Variants in TTC28 observed in about 807,000 individuals in gnomAD.
The protein encoded by TTC28 is tetratricopeptide repeat domain 28.
Under a neutral mutation model 198.0 loss-of-function variants are expected in TTC28, and 61 were observed. The observed-to-expected ratio is 0.31, with a 90% CI of 0.25 to 0.38. The LOEUF (loss-of-function observed/expected upper bound fraction) is 0.38, where lower values mean the gene tolerates loss of function less well. Among genes scored for constraint, TTC28 ranks in the 10% least tolerant of loss-of-function variants. The pLI, the probability that TTC28 is intolerant of heterozygous loss-of-function variation, is 1.00. For missense variants in TTC28, 2,678 were observed against 3,164.0 expected (o/e 0.85, Z 3.69); for synonymous variants, 1,171 against 1,297.8 (o/e 0.90, Z 2.10).
rs779531455 is a variant in TTC28, at chr22:28,294,563, C to CT, written c.933+1634dup. ...AAAAGAGTATAAATGCAGCTCTTGC[C>CT]TTTTTTTTTTTTCTTTCCCCCCCAA... is the stretch of plus-strand genomic sequence containing the variant. On this transcript the variant is annotated intron_variant, in intron 5 of 22. Coordinates refer to ENST00000397906, the MANE Select transcript of TTC28 (RefSeq NM_001145418.2). Among the ~76,000 whole-genome samples the CT allele has an allele frequency of 1.7e-3, 245 of 143,476 alleles. 1 individual carries two copies. The highest frequency in any genetic ancestry group is 4.6e-3 in the Admixed American group (66 of 14,304). The allele number at this position is 143,476 out of a possible 152,430, so 94.1% of individuals were successfully genotyped here. A position where few individuals can be genotyped will look rare whatever the true frequency, so the allele number is the denominator to read the frequency against.
chr22:28,465,225 G>A (rs552510412), intron 2 of TTC28, among the ~76,000 whole-genome samples: 1 of 152,282 alleles, frequency 6.6e-6, no homozygotes, highest in South Asian at 2.1e-4. Context: ...AGTACAATAA[G>A]TTAGACCTAG....
chr22:28,559,200 TAGAAAC>T (rs1490901009), intron 2 of TTC28, among the ~76,000 whole-genome samples: 5 of 152,170 alleles, frequency 3.3e-5, no homozygotes, highest in African/African-American at 1.2e-4. Flanking sequence ...TCCATATGCT[TAGAAAC>T]AGTTTTTCTA....
chr22:27,979,479 CAAA>C lies in TTC28; in HGVS notation c.*2739_*2741del, dbSNP rs138632. On this transcript the variant is annotated 3_prime_UTR_variant, in exon 23 of 23. Coordinates refer to ENST00000397906, the MANE Select transcript of TTC28 (RefSeq NM_001145418.2). ...TGGGTGACAGAGCGAGACTCTGTCT[CAAA>C]AAAAAAAAAAAAGGCCAGGTATTGA... The C allele has an allele frequency of 7.4e-5, 6 of 80,904 alleles. No homozygotes were observed. The highest frequency in any genetic ancestry group is 1.4e-4 in the Admixed American group (1 of 7,300). 5.0% of individuals were successfully genotyped at this position (80,904 alleles called of 1,614,324 possible). A position where few individuals can be genotyped will look rare whatever the true frequency, so the allele number is the denominator to read the frequency against.
intron 7 of TTC28, among the ~76,000 whole-genome samples, chr22:28,106,386 T>C (rs1351610670): frequency 3.3e-5 from 5 of 152,190 alleles, no homozygotes; most frequent in Non-Finnish European, 5.9e-5. Context: ...GAAGACACGA[T>C]AAGCGTGGAA....
chr22:28,164,405 G>A (rs1405914139), intron 5 of TTC28, among the ~76,000 whole-genome samples: 1 of 152,200 alleles, frequency 6.6e-6, no homozygotes, highest in Non-Finnish European at 1.5e-5. Context: ...AGTAGGGGCG[G>A]ACTGACACCT....
At chr22:28,159,939 T>C (rs1362147969) in intron 6 of TTC28, among the ~76,000 whole-genome samples, 1 of 152,138 alleles carries the variant, frequency 6.6e-6, no homozygotes, top group African/African-American at 2.4e-5. Flanking sequence ...TTATGTCAAG[T>C]GAAATAAGCC....
intron 2 of TTC28, among the ~76,000 whole-genome samples, chr22:28,330,963 G>A (rs184998506): frequency 2.0e-3 from 299 of 152,084 alleles, no homozygotes; most frequent in Middle Eastern, 3.4e-3. Flanking sequence ...CATTTTTTCC[G>A]TTTAAAAATT....
intron 6 of TTC28, among the ~76,000 whole-genome samples, chr22:28,145,118 G>A (rs1943435643): frequency 6.6e-6 from 1 of 152,146 alleles, no homozygotes; most frequent in South Asian, 2.1e-4. Flanking sequence ...TTACCTTACA[G>A]GGGAAAAAAC....
intron 12 of TTC28, among the ~76,000 whole-genome samples, chr22:28,039,802 CT>C (rs1006373753): frequency 6.6e-6 from 1 of 151,644 alleles, no homozygotes; most frequent in African/African-American, 2.4e-5. Context: ...ATCCAGGAGC[CT>C]TTTTTAAAAG....
At chr22:28,328,469 T>C (rs1213370284) in intron 2 of TTC28, among the ~76,000 whole-genome samples, 1 of 151,300 alleles carries the variant, frequency 6.6e-6, no homozygotes, top group Non-Finnish European at 1.5e-5. Flanking sequence ...AATAAATAAA[T>C]AGGGCCAGGC....
chr22:28,159,622 G>A (rs1920976795), intron 6 of TTC28, among the ~76,000 whole-genome samples: 1 of 146,740 alleles, frequency 6.8e-6, no homozygotes, highest in African/African-American at 2.5e-5. Flanking sequence ...TCATGCCACT[G>A]CATTCCAGCC....
rs904136413 is a variant in TTC28 at position 28,418,684 on chromosome 22, T to C, written c.382-112041A>G. ...TGTGTAGTACTCTCCAATATAACCT[T>C]GAGATTTTTTTAGTATATTTTTATC... On this transcript the variant is annotated intron_variant, in intron 2 of 22. Coordinates refer to ENST00000397906, the MANE Select transcript of TTC28 (RefSeq NM_001145418.2). Among the ~76,000 whole-genome samples, 4 of 152,210 alleles carry C rather than the reference T, an allele frequency of 2.6e-5. No homozygotes were observed. The South Asian group carries it at 8.3e-4, about 32-fold the overall frequency.
intron 2 of TTC28, among the ~76,000 whole-genome samples, chr22:28,313,038 T>TG (rs1371447741): frequency 1.3e-5 from 2 of 152,114 alleles, no homozygotes; most frequent in African/African-American, 4.8e-5. Context: ...ATATCACCAC[T>TG]GATCCCACAG....
At chr22:28,248,242 G>A (rs1359687006) in intron 5 of TTC28, among the ~76,000 whole-genome samples, 1 of 152,132 alleles carries the variant, frequency 6.6e-6, no homozygotes. Flanking sequence ...CCCACACATG[G>A]CTGAAAACTC....
chr22:28,489,893 C>A (rs1260482083), intron 2 of TTC28, among the ~76,000 whole-genome samples: 2 of 152,136 alleles, frequency 1.3e-5, no homozygotes, highest in Admixed American at 1.3e-4. Context: ...TAAGTATTAA[C>A]TCACTTGATC....
intron 2 of TTC28, among the ~76,000 whole-genome samples, chr22:28,333,131 T>C (rs1316985750): frequency 6.6e-6 from 1 of 152,122 alleles, no homozygotes; most frequent in Non-Finnish European, 1.5e-5. Flanking sequence ...ACTAAAACAA[T>C]TTTAAATTAC....
chr22:28,164,084 G>T (rs1921579950), intron 5 of TTC28, among the ~76,000 whole-genome samples: 1 of 152,204 alleles, frequency 6.6e-6, no homozygotes, highest in Admixed American at 6.5e-5. Context: ...CAAGGCGGAA[G>T]CGAGGCTGGG....
chr22:28,169,564 G>A (rs968917760), intron 5 of TTC28, among the ~76,000 whole-genome samples: 8 of 152,030 alleles, frequency 5.3e-5, no homozygotes, highest in South Asian at 2.1e-4. Flanking sequence ...GCAAACTATC[G>A]CAAGGACAAA....
At chr22:28,366,542 T>C (rs1351574564) in intron 2 of TTC28, among the ~76,000 whole-genome samples, 1 of 152,020 alleles carries the variant, frequency 6.6e-6, no homozygotes, top group Non-Finnish European at 1.5e-5. Flanking sequence ...AGTGTTACAG[T>C]GGTGACGAGA....
Sources: gnomAD v4.1 joint callset for allele counts (sites outside exome capture counted in the v4.1 genomes callset) on GRCh38, gnomAD v4.1.1 for gene constraint, MANE v1.5 for transcripts, NCBI Gene and HGNC (gene_info 2026-07-23, HGNC 2026-07-21) for gene names.